AK9: variants seen among roughly 807,000 people sequenced by gnomAD.
The protein encoded by AK9 is adenylate kinase domain containing 1.
In AK9, 191 loss-of-function variants were observed where a neutral mutation model predicts 239.6. That is an observed-to-expected ratio of 0.80 (90% CI 0.71 to 0.90). The LOEUF (loss-of-function observed/expected upper bound fraction) is 0.90, where lower values mean the gene tolerates loss of function less well. Among genes scored for constraint, AK9 ranks in the 40% least tolerant of loss-of-function variants. The pLI, the probability that AK9 is intolerant of heterozygous loss-of-function variation, is 0.00. For synonymous variants in AK9, 689 were observed against 721.0 expected (o/e 0.96, Z 0.71); for missense variants, 1,995 against 2,214.7 (o/e 0.90, Z 1.99).
At chr6:109,587,843 T>G (rs537916101) in intron 17 of AK9, among the ~76,000 whole-genome samples, 1 of 152,302 alleles carries the variant, frequency 6.6e-6, no homozygotes, top group African/African-American at 2.4e-5. Flanking sequence ...GTAGTCTTAT[T>G]TTTAGTTCTT....
intron 20 of AK9, among the ~76,000 whole-genome samples, chr6:109,573,929 T>C (rs1244013280): frequency 1.3e-5 from 2 of 152,280 alleles, no homozygotes; most frequent in Admixed American, 6.5e-5. Context: ...CCATTCAATA[T>C]AGTAGCCACT....
At chr6:109,671,783 G>T in intron 5 of AK9, 136 bp downstream of exon 5, 1 of 683,318 alleles carries the variant, frequency 1.5e-6, no homozygotes, top group South Asian at 1.9e-5. Flanking sequence ...CATCTGAGCT[G>T]TTCAACTGAA....
At chr6:109,658,957 T>C (rs1800054692) in intron 7 of AK9, among the ~76,000 whole-genome samples, 1 of 152,060 alleles carries the variant, frequency 6.6e-6, no homozygotes, top group African/African-American at 2.4e-5. Flanking sequence ...GACCAATAAC[T>C]CCATAGTTAT....
chr6:109,655,868 G>A (rs911339246), intron 8 of AK9, among the ~76,000 whole-genome samples: 4 of 152,220 alleles, frequency 2.6e-5, no homozygotes, highest in African/African-American at 4.8e-5. Context: ...ATAAGCCAGT[G>A]ACAGGAGAGG....
chr6:109,621,944 CAAAAAAAACAAA>C (rs1794901802), intron 12 of AK9, among the ~76,000 whole-genome samples: 1 of 66,504 alleles, frequency 1.5e-5, no homozygotes, highest in African/African-American at 5.9e-5. Context: ...AATTCCAGAG[CAAAAAAAACAAA>C]AAAAAAAACA....
intron 27 of AK9, among the ~76,000 whole-genome samples, chr6:109,533,848 A>G (rs72939275): frequency 0.015 from 2,343 of 152,264 alleles, 31 homozygotes; most frequent in Non-Finnish European, 0.022. Context: ...ATTAACTGAA[A>G]GTTTACTAAA....
intron 29 of AK9, among the ~76,000 whole-genome samples, chr6:109,517,135 C>T (rs1235533338): frequency 6.6e-6 from 1 of 152,012 alleles, no homozygotes; most frequent in Non-Finnish European, 1.5e-5. Context: ...CTGGTGTAGG[C>T]TATAGCCCAC....
intron 35 of AK9, among the ~76,000 whole-genome samples, chr6:109,503,327 G>C (rs1375403529): frequency 3.9e-5 from 6 of 152,060 alleles, no homozygotes; most frequent in Non-Finnish European, 8.8e-5. Flanking sequence ...TTTAGTGACA[G>C]GGTAATTTAG....
At chr6:109,590,691 C>T (rs1790100628) in intron 17 of AK9, among the ~76,000 whole-genome samples, 1 of 152,094 alleles carries the variant, frequency 6.6e-6, no homozygotes, top group African/African-American at 2.4e-5. Flanking sequence ...ACTGTTTTTG[C>T]TGTACGTCAA....
rs145653226 is a variant in AK9 at position 109,590,354 on chromosome 6, C to G, written c.1843-4282G>C. ...CTCTAGGTTTTCCAGCTTGTATGCA[C>G]AGAGATGCTGATAGTAGTCATTAGT... On this transcript the variant is annotated intron_variant, in intron 17 of 40. Coordinates refer to ENST00000424296, the MANE Select transcript of AK9 (RefSeq NM_001145128.3). 7.9e-5 allele frequency among the ~76,000 whole-genome samples: 12 copies of G among 152,186 alleles called. No individual in the cohort carries two copies. In the East Asian group the frequency reaches 2.3e-3, roughly 29 times the overall value.
chr6:109,661,237 T>G (rs906187261), intron 6 of AK9, among the ~76,000 whole-genome samples: 1 of 152,184 alleles, frequency 6.6e-6, no homozygotes, highest in Non-Finnish European at 1.5e-5. Context: ...ATGAATGGGG[T>G]TAAGGACTTT....
In AK9 at chr6:109,585,139, C is replaced by CTTT; in HGVS notation, c.2095_2097dup (p.Lys699dup). 1.2e-6 allele frequency: 1 copy of CTTT among 821,480 alleles called. No homozygotes were observed. 50.9% of individuals were successfully genotyped at this position (821,480 alleles called of 1,614,324 possible). ...AGATTTTACCTTGCTTCTTCTTCTT[C>CTTT]TTTTTTTTTCTTTTGTAGTTCTTCT... On this transcript the variant is annotated inframe_insertion, in exon 19 of 41. Transcript: ENST00000424296.
Position 109,494,023 on chromosome 6 carries a change from T to C in AK9, c.5491A>G (p.Ile1831Val), listed in dbSNP as rs757492331. The change falls in exon 40 of 41, where the codon ATA (isoleucine) becomes GTA (valine). Residue 1831 changes from isoleucine to valine, a missense_variant. Transcript: ENST00000424296. ...CLKPKFPFLS[I>V]RRSALLYIAL... ...ATATATAGCAGTGCAGATCTCCTTA[T>C]ACTTAAAAAGGGGAACTTGGGCTTT... 1.7e-5 allele frequency: 28 copies of C among 1,613,574 alleles called. No homozygotes were observed. Among genetic ancestry groups the C allele is most frequent in the Non-Finnish European group, 2.4e-5 (28 of 1,179,706 alleles).
intron 5 of AK9, among the ~76,000 whole-genome samples, chr6:109,667,672 G>C (rs1025446506): frequency 3.3e-5 from 5 of 151,800 alleles, no homozygotes; most frequent in Admixed American, 6.6e-5. Context: ...TTGTCCTTGC[G>C]ATAGTTTGCT....
chr6:109,513,918 C>T (rs1412445921), intron 32 of AK9, among the ~76,000 whole-genome samples: 7 of 152,150 alleles, frequency 4.6e-5, no homozygotes, highest in African/African-American at 1.4e-4. Flanking sequence ...TTTAAAACCC[C>T]CACCGAATCA....
chr6:109,533,516 A>C, intron 27 of AK9, 46 bp from the exon 28 acceptor site: 1 of 1,454,826 alleles, frequency 6.9e-7, no homozygotes, highest in Non-Finnish European at 9.3e-7. Context: ...AAAATGTTGT[A>C]ATGGATGTGT....
chr6:109,537,952 G>T (rs1358311873), intron 27 of AK9, among the ~76,000 whole-genome samples: 1 of 152,186 alleles, frequency 6.6e-6, no homozygotes, highest in African/African-American at 2.4e-5. Context: ...TAGTTTGATT[G>T]CACTGTAGTC....
intron 21 of AK9, 100 bp from the exon 22 acceptor site, chr6:109,564,945 T>G: frequency 1.1e-6 from 1 of 885,806 alleles, no homozygotes; most frequent in Non-Finnish European, 1.7e-6. Context: ...GCTTAAATTG[T>G]ATATGAAATG....
chr6:109,536,895 C>T (rs1782074585), intron 27 of AK9, among the ~76,000 whole-genome samples: 1 of 152,044 alleles, frequency 6.6e-6, no homozygotes, highest in Admixed American at 6.6e-5. Flanking sequence ...TGCTTATATG[C>T]TGGTTTGTGT....
Sources: gnomAD v4.1 joint callset for allele counts (sites outside exome capture counted in the v4.1 genomes callset) on GRCh38, gnomAD v4.1.1 for gene constraint, MANE v1.5 for transcripts, NCBI Gene and HGNC (gene_info 2026-07-23, HGNC 2026-07-21) for gene names.